The following SH3KBP1 variants were observed in gnomAD, a reference collection of about 807,000 sequenced individuals.
The protein encoded by SH3KBP1 is SH3 domain containing kinase binding protein 1.
Under a neutral mutation model 50.1 loss-of-function variants are expected in SH3KBP1, and 8 were observed. The observed-to-expected ratio is 0.16, with a 90% confidence interval of 0.09 to 0.29. The LOEUF is 0.29. SH3KBP1 is among the 10% of genes least tolerant of loss of function. The probability of loss-of-function intolerance (pLI) is 1.00; values close to 1 mark genes in which losing one functional copy is unlikely to be tolerated. For synonymous variants in SH3KBP1, 227 were observed against 218.6 expected (o/e 1.04, Z -0.34); for missense variants, 377 against 535.2 (o/e 0.70, Z 2.92).
At chrX:19,701,978 G>A (rs1382973060) in intron 4 of SH3KBP1, among the ~76,000 whole-genome samples, 1 of 111,743 alleles carries the variant, frequency 8.9e-6, no homozygotes, top group Admixed American at 9.5e-5. Context: ...TTCTAAACAC[G>A]GCTTCCTTCT....
chrX:19,701,059 T>G (rs1026349583), intron 4 of SH3KBP1, among the ~76,000 whole-genome samples: 23 of 112,306 alleles, frequency 2.0e-4, no homozygotes, highest in African/African-American at 7.5e-4. Flanking sequence ...GCAACATCCA[T>G]GATTTTTCAT....
intron 15 of SH3KBP1, among the ~76,000 whole-genome samples, chrX:19,544,856 T>G (rs2065041832): frequency 9.0e-6 from 1 of 111,571 alleles, no homozygotes; most frequent in South Asian, 3.7e-4. Flanking sequence ...TACAACTGTG[T>G]ACATCAGAAC....
intron 2 of SH3KBP1, among the ~76,000 whole-genome samples, chrX:19,794,479 G>A (rs1439111161): frequency 2.7e-5 from 3 of 110,681 alleles, no homozygotes; most frequent in Admixed American, 9.6e-5. Flanking sequence ...TGAGGCGGGC[G>A]GATCACGAGG....
intron 4 of SH3KBP1, among the ~76,000 whole-genome samples, chrX:19,701,184 A>G (rs1039000206): frequency 3.6e-5 from 4 of 111,587 alleles, no homozygotes; most frequent in African/African-American, 1.3e-4. Flanking sequence ...GTCCAATACT[A>G]AGGTCTTTCT....
At chrX:19,607,225 G>A (rs147008314) in intron 9 of SH3KBP1, among the ~76,000 whole-genome samples, 82 of 112,651 alleles carry the variant, frequency 7.3e-4, no homozygotes, top group Admixed American at 2.0e-3. Context: ...GCTGGGAAAG[G>A]TGGGCAGAGG....
intron 2 of SH3KBP1, among the ~76,000 whole-genome samples, chrX:19,793,871 A>T (rs2066620010): frequency 9.0e-6 from 1 of 111,291 alleles, no homozygotes; most frequent in Admixed American, 9.5e-5. Context: ...CCCAGGAAAG[A>T]ATCCCACCTT....
At chrX:19,783,239 A>G (rs935192569) in intron 2 of SH3KBP1, among the ~76,000 whole-genome samples, 3 of 112,154 alleles carry the variant, frequency 2.7e-5, no homozygotes, top group African/African-American at 9.7e-5. Context: ...ATTTAGTAAG[A>G]CTTTAGAATA....
intron 15 of SH3KBP1, among the ~76,000 whole-genome samples, chrX:19,542,424 G>C: frequency 8.9e-6 from 1 of 111,918 alleles, no homozygotes; most frequent in Non-Finnish European, 1.9e-5. Flanking sequence ...TCTGGACAGA[G>C]AGTTTCCGAC....
rs926069135 is a variant in SH3KBP1, at chrX:19,887,160, G to C, written c.4+147C>G. 4.6e-5 allele frequency: 20 copies of C among 436,184 alleles called. No individual in the cohort carries two copies. The Admixed American group carries it at 9.2e-4, about 20-fold the overall frequency. 35.9% of individuals were successfully genotyped at this position (436,184 alleles called of 1,213,427 possible). On this transcript the variant is annotated intron_variant, in intron 1 of 17. Transcript: ENST00000397821. ...CGGGCGCAAGTGGGAGTGAATGGGG[G>C]TGCGCGAGGCAGGCGAGGGCGCCCA...
intron 2 of SH3KBP1, among the ~76,000 whole-genome samples, chrX:19,797,564 T>C (rs1487486031): frequency 8.9e-6 from 1 of 111,812 alleles, no homozygotes; most frequent in African/African-American, 3.3e-5. Context: ...CTCTGATATA[T>C]TACTTTGATG....
Position 19,576,340 on chromosome X carries a change from C to G in SH3KBP1, c.1299-7152G>C, listed in dbSNP as rs1602529169. Among the ~76,000 whole-genome samples the G allele has an allele frequency of 2.7e-5, 3 of 110,582 alleles. No homozygotes were observed. In the South Asian group the frequency reaches 1.2e-3, roughly 43 times the overall value. On this transcript the variant is annotated intron_variant, in intron 12 of 17. Coordinates refer to ENST00000397821, the MANE Select transcript of SH3KBP1 (RefSeq NM_031892.3). ...CCCATAGAAATAACAGCAGCTCACC[C>G]CCTTTGAGAATGAAAAAAGAAAAAG...
At chrX:19,755,983 C>T (rs540350814) in intron 2 of SH3KBP1, among the ~76,000 whole-genome samples, 1 of 111,330 alleles carries the variant, frequency 9.0e-6, no homozygotes, top group South Asian at 3.8e-4. Flanking sequence ...ACAGAAATTG[C>T]TCACTCAGGG....
intron 2 of SH3KBP1, among the ~76,000 whole-genome samples, chrX:19,824,867 T>C (rs2067630724): frequency 8.9e-6 from 1 of 112,046 alleles, no homozygotes; most frequent in African/African-American, 3.2e-5. Context: ...TGATGTGGGT[T>C]CTTATTGGTA....
intron 2 of SH3KBP1, among the ~76,000 whole-genome samples, chrX:19,796,379 G>T (rs192862334): frequency 2.7e-5 from 3 of 112,041 alleles, no homozygotes; most frequent in African/African-American, 9.7e-5. Context: ...GGTGTAAGGT[G>T]TCAGTGAGCT....
chrX:19,831,187 C>G (rs1327676127), intron 2 of SH3KBP1, among the ~76,000 whole-genome samples: 1 of 111,611 alleles, frequency 9.0e-6, no homozygotes, highest in East Asian at 2.8e-4. Flanking sequence ...GAGGCCGAGG[C>G]GGGAGGATCA....
At chrX:19,876,633 A>T (rs1350494864) in intron 1 of SH3KBP1, among the ~76,000 whole-genome samples, 1 of 111,364 alleles carries the variant, frequency 9.0e-6, no homozygotes, top group African/African-American at 3.3e-5. Context: ...GGAGGGGAAA[A>T]TAACAGAAAT....
At chrX:19,625,182 A>T (rs1407577796) in intron 8 of SH3KBP1, among the ~76,000 whole-genome samples, 1 of 111,948 alleles carries the variant, frequency 8.9e-6, no homozygotes, top group Non-Finnish European at 1.9e-5. Flanking sequence ...GAAGCAAGGA[A>T]GTCTGAAAAC....
At position 19,546,045 on chromosome X, in the gene SH3KBP1, G is replaced by T. The variant is rs766605807; in HGVS notation, c.1500C>A (p.Ser500=). The T allele has an allele frequency of 1.3e-5, 16 of 1,210,736 alleles. No homozygotes were observed. The highest frequency in any genetic ancestry group is 1.8e-5 in the Non-Finnish European group (16 of 894,798). ...RPPSQSLTSS[S]LSSPDIFDSP... The stretch of plus-strand genomic sequence containing the variant: ...AGTCGAAGATATCAGGGCTTGAAAG[G>T]GATGACTGATAAAGCCAAAAGAAAA... The change falls in exon 15 of 18, where the codon TCC becomes TCA. Residue 500 remains serine, a synonymous_variant. Coordinates refer to ENST00000397821, the MANE Select transcript of SH3KBP1 (RefSeq NM_031892.3).
At chrX:19,876,758 C>T (rs2069266508) in intron 1 of SH3KBP1, among the ~76,000 whole-genome samples, 1 of 111,628 alleles carries the variant, frequency 9.0e-6, no homozygotes, top group Non-Finnish European at 1.9e-5. Context: ...GGGAGGGAGA[C>T]TTTTTCCCGT....
Sources: allele counts gnomAD v4.1 joint callset (sites outside exome capture counted in the v4.1 genomes callset), GRCh38; gene constraint gnomAD v4.1.1; transcripts MANE v1.5; gene names NCBI Gene and HGNC (gene_info 2026-07-23, HGNC 2026-07-21).